FNIP2: variants seen among roughly 807,000 people sequenced by gnomAD.
FNIP2 encodes the protein folliculin-interacting protein 2.
A neutral mutation model predicts 108.7 loss-of-function variants in FNIP2; 32 were observed. The ratio of observed to expected loss-of-function variants is 0.29; its 90% CI spans 0.22 to 0.40. The LOEUF (loss-of-function observed/expected upper bound fraction) is 0.40. Among genes scored for constraint, FNIP2 ranks in the 10% least tolerant of loss-of-function variants. FNIP2 has a pLI of 1.00. For synonymous variants in FNIP2, 480 were observed against 496.7 expected (o/e 0.97, Z 0.45); for missense variants, 1,202 against 1,381.6 (o/e 0.87, Z 2.06).
intron 7 of FNIP2, among the ~76,000 whole-genome samples, chr4:158,842,658 G>T (rs766162004): frequency 6.6e-6 from 1 of 151,964 alleles, no homozygotes; most frequent in Non-Finnish European, 1.5e-5. Flanking sequence ...ACATATCCAC[G>T]TAACAAAACT....
chr4:158,890,474 G>A, intron 14 of FNIP2: 1 of 454,614 alleles, frequency 2.2e-6, no homozygotes, highest in Non-Finnish European at 2.9e-6. Context: ...AGACTAGGGA[G>A]TCAGATCACC....
chr4:158,903,878 A>G (rs1310477507), intron 16 of FNIP2, among the ~76,000 whole-genome samples: 1 of 152,038 alleles, frequency 6.6e-6, no homozygotes, highest in Non-Finnish European at 1.5e-5. Context: ...GCTGTAAGAG[A>G]GGCAGCCAAA....
chr4:158,870,293 TG>T lies in FNIP2; in HGVS notation c.2793-17del. 5.0e-6 allele frequency: 8 copies of T among 1,604,764 alleles called. No individual in the cohort carries two copies. Among genetic ancestry groups the T allele is most frequent in the Non-Finnish European group, 6.8e-6 (8 of 1,172,366 alleles). On this transcript the variant is annotated intron_variant, in intron 13 of 16. Transcript: ENST00000264433. ...GTACATTTTTAGCTGTGCATTTTAA[TG>T]GGCCACATGTTGTTTTAGGTCTCAG...
chr4:158,849,746 C>T (rs1440715017), intron 7 of FNIP2, among the ~76,000 whole-genome samples: 1 of 151,562 alleles, frequency 6.6e-6, no homozygotes, highest in Non-Finnish European at 1.5e-5. Flanking sequence ...TAAGTCTGGT[C>T]TCAAGATGGC....
intron 12 of FNIP2, among the ~76,000 whole-genome samples, chr4:158,864,601 C>T (rs1780476975): frequency 6.6e-6 from 1 of 152,246 alleles, no homozygotes; most frequent in South Asian, 2.1e-4. Context: ...TAGTCCCCTA[C>T]CTCTCTAACC....
chr4:158,787,384 C>T (rs968260473), intron 1 of FNIP2, among the ~76,000 whole-genome samples: 1 of 152,152 alleles, frequency 6.6e-6, no homozygotes, highest in Non-Finnish European at 1.5e-5. Context: ...TCTGCGCCAA[C>T]GACTGGTATT....
intron 9 of FNIP2, 35 bp downstream of exon 9, chr4:158,859,293 G>A: frequency 1.9e-6 from 3 of 1,556,374 alleles, no homozygotes; most frequent in Non-Finnish European, 2.6e-6. Flanking sequence ...AAATAGAGAA[G>A]TGATTGTGGG....
chr4:158,891,663 A>AT lies in FNIP2; in HGVS notation c.3150+18dup, dbSNP rs1782285515. On this transcript the variant is annotated intron_variant, in intron 15 of 16. Transcript: ENST00000264433. ...GCTGATTTTGTAAGTACTGGTTCTTATATCACCAAAGAAATCTAGTTTTAA... is the reference window on the plus strand; with the variant it reads ...GCTGATTTTGTAAGTACTGGTTCTTATTATCACCAAAGAAATCTAGTTTTAA... 2 of 1,585,682 alleles carry AT rather than the reference A, an allele frequency of 1.3e-6. No individual in the cohort carries two copies. The highest frequency in any genetic ancestry group is 1.3e-5 in the African/African-American group (1 of 74,344).
At chr4:158,796,042 G>C (rs1776581193) in intron 1 of FNIP2, 1 of 152,210 alleles carries the variant, frequency 6.6e-6, no homozygotes, top group Admixed American at 6.5e-5. Context: ...CAAGGGGAAA[G>C]TTGAACCATA....
At chr4:158,817,870 A>T (rs1032805035) in intron 1 of FNIP2, among the ~76,000 whole-genome samples, 1 of 152,124 alleles carries the variant, frequency 6.6e-6, no homozygotes, top group African/African-American at 2.4e-5. Context: ...ATAGAGGAGG[A>T]GACACTGGAT....
chr4:158,838,331 C>T (rs1215824498), intron 7 of FNIP2, among the ~76,000 whole-genome samples: 1 of 151,488 alleles, frequency 6.6e-6, no homozygotes, highest in East Asian at 2.0e-4. Flanking sequence ...AGCCATCCTC[C>T]CACCTCAGCC....
intron 8 of FNIP2, among the ~76,000 whole-genome samples, chr4:158,857,470 A>C (rs975136331): frequency 6.6e-6 from 1 of 152,176 alleles, no homozygotes; most frequent in African/African-American, 2.4e-5. Context: ...AGGGAAAGCA[A>C]TTGATGGTTT....
rs1024647909 is a variant in FNIP2 at position 158,829,075 on chromosome 4, C to CT, written c.235-3dup. On this transcript the variant is annotated splice_region_variant and splice_polypyrimidine_tract_variant and intron_variant, in intron 2 of 16. Coordinates refer to ENST00000264433, the MANE Select transcript of FNIP2 (RefSeq NM_020840.3). ...TTTTACCTTGCCTGTCTCTCTTAACCTAGAAAACAGAGGATGTTCCTATTA... is the reference window on the plus strand; with the variant it reads ...TTTTACCTTGCCTGTCTCTCTTAACCTTAGAAAACAGAGGATGTTCCTATTA... 1 of 1,601,196 alleles carries CT rather than the reference C, an allele frequency of 6.2e-7. No individual in the cohort carries two copies. The highest frequency in any genetic ancestry group is 1.3e-5 in the African/African-American group (1 of 74,606).
At chr4:158,874,016 G>A (rs1004779581) in intron 14 of FNIP2, among the ~76,000 whole-genome samples, 5 of 152,174 alleles carry the variant, frequency 3.3e-5, no homozygotes, top group African/African-American at 1.2e-4. Flanking sequence ...TACTGTTGGG[G>A]TTATTGTGGG....
intron 9 of FNIP2, 53 bp from the exon 10 acceptor site, chr4:158,859,525 A>G (rs1227450300): frequency 6.9e-7 from 1 of 1,446,848 alleles, no homozygotes; most frequent in Non-Finnish European, 9.6e-7. Context: ...AGCCCAGTAG[A>G]TAAGTTATAA....
At chr4:158,793,869 G>A (rs1175453921) in intron 1 of FNIP2, among the ~76,000 whole-genome samples, 5 of 152,086 alleles carry the variant, frequency 3.3e-5, no homozygotes, top group African/African-American at 4.8e-5. Context: ...TAAATGGAAC[G>A]GAGGCAAATC....
chr4:158,889,143 G>T (rs1384739605), intron 14 of FNIP2, among the ~76,000 whole-genome samples: 1 of 152,172 alleles, frequency 6.6e-6, no homozygotes, highest in Non-Finnish European at 1.5e-5. Context: ...TATGAACTGT[G>T]ATCAGACTTC....
At chr4:158,897,070 C>A (rs1323484872) in intron 16 of FNIP2, among the ~76,000 whole-genome samples, 1 of 151,804 alleles carries the variant, frequency 6.6e-6, no homozygotes, top group Non-Finnish European at 1.5e-5. Flanking sequence ...TCAACTCCCA[C>A]GTATGAGGGA....
At chr4:158,871,117 T>G (rs563594678) in intron 14 of FNIP2, among the ~76,000 whole-genome samples, 2 of 152,346 alleles carry the variant, frequency 1.3e-5, no homozygotes, top group Non-Finnish European at 2.9e-5. Flanking sequence ...TAAGTTCACT[T>G]TGATGGCTGC....
Sources: gnomAD v4.1 joint callset for allele counts (sites outside exome capture counted in the v4.1 genomes callset) on GRCh38, gnomAD v4.1.1 for gene constraint, MANE v1.5 for transcripts, NCBI Gene and HGNC (gene_info 2026-07-23, HGNC 2026-07-21) for gene names.